Variants in ANKS1B observed in about 807,000 individuals in gnomAD.
ANKS1B encodes ankyrin repeat and sterile alpha motif domain containing 1B.
ANKS1B carries 36 observed loss-of-function variants against 148.3 expected under a neutral mutation model. The ratio of observed to expected loss-of-function variants is 0.24; its 90% confidence interval spans 0.19 to 0.32. The LOEUF is 0.32. ANKS1B is among the 10% of genes least tolerant of loss of function. The pLI, the probability that ANKS1B is intolerant of heterozygous loss-of-function variation, is 1.00. For missense variants in ANKS1B, 1,157 were observed against 1,542.6 expected (o/e 0.75, Z 4.19); for synonymous variants, 542 against 560.8 (o/e 0.97, Z 0.47).
intron 11 of ANKS1B, among the ~76,000 whole-genome samples, chr12:99,404,237 C>T (rs2094479956): frequency 6.9e-6 from 1 of 145,382 alleles, no homozygotes; most frequent in South Asian, 2.1e-4. Context: ...GGCTTAATGC[C>T]TGGGTGACAA....
chr12:99,514,768 C>G (rs896304561), intron 9 of ANKS1B, among the ~76,000 whole-genome samples: 1 of 151,990 alleles, frequency 6.6e-6, no homozygotes, highest in Non-Finnish European at 1.5e-5. Flanking sequence ...TCTAGCTCTG[C>G]CAATTTTCAA....
At chr12:98,745,946 C>G (rs1052874711) in intron 26 of ANKS1B, 97 bp from the exon 27 acceptor site, 4 of 1,350,176 alleles carry the variant, frequency 3.0e-6, no homozygotes, top group Non-Finnish European at 4.0e-6. Flanking sequence ...GGCCCCTCGC[C>G]CCAGGCGCGG....
At position 99,865,217 on chromosome 12, in the gene ANKS1B, A is replaced by G. The variant is rs17029838; in HGVS notation, c.135-39828T>C. 9.0e-3 allele frequency among the ~76,000 whole-genome samples: 1,365 copies of G among 152,332 alleles called. 92 individuals are homozygous for G. In the East Asian group the frequency reaches 0.18, roughly 21 times the overall value. ...TGAAATATGTTTTCCACTCTATGTT[A>G]CTGCTTACTTCAACGGGAAAAGAAT... is the stretch of plus-strand genomic sequence containing the variant. On this transcript the variant is annotated intron_variant, in intron 1 of 26. Coordinates refer to ENST00000683438, the MANE Select transcript of ANKS1B (RefSeq NM_001352186.2).
At chr12:98,821,671 C>T (rs569017715) in intron 19 of ANKS1B, among the ~76,000 whole-genome samples, 52 of 152,228 alleles carry the variant, frequency 3.4e-4, no homozygotes, top group African/African-American at 1.1e-3. Flanking sequence ...TGCAGTGGTG[C>T]GATCTTGCTC....
At chr12:99,939,600 T>A (rs1177780875) in intron 1 of ANKS1B, among the ~76,000 whole-genome samples, 1 of 152,080 alleles carries the variant, frequency 6.6e-6, no homozygotes, top group East Asian at 1.9e-4. Flanking sequence ...ATAAATATTT[T>A]CACATAAGGA....
chr12:98,754,429 C>T (rs894253854), intron 25 of ANKS1B, among the ~76,000 whole-genome samples: 4 of 152,178 alleles, frequency 2.6e-5, no homozygotes, highest in Non-Finnish European at 5.9e-5. Flanking sequence ...CTTCCGACTT[C>T]TGTAGTCTCA....
At chr12:99,110,742 C>T (rs1218669288) in intron 15 of ANKS1B, among the ~76,000 whole-genome samples, 4 of 151,988 alleles carry the variant, frequency 2.6e-5, no homozygotes, top group Admixed American at 2.6e-4. Flanking sequence ...AATAAGGATG[C>T]TGGGTGTATC....
chr12:99,397,032 T>G (rs187129883), intron 12 of ANKS1B, among the ~76,000 whole-genome samples: 2 of 152,286 alleles, frequency 1.3e-5, no homozygotes, highest in East Asian at 3.9e-4. Context: ...CACTATTTTT[T>G]GTTTTTACAA....
intron 8 of ANKS1B, among the ~76,000 whole-genome samples, chr12:99,708,715 A>T (rs2153532518): frequency 6.6e-6 from 1 of 152,202 alleles, no homozygotes; most frequent in African/African-American, 2.4e-5. Context: ...GACAGTTGTG[A>T]TTACATTTAG....
In ANKS1B at chr12:99,264,262, C is replaced by T. The variant is rs556122115; in HGVS notation, c.1757-17398G>A. On this transcript the variant is annotated intron_variant, in intron 12 of 26. Transcript: ENST00000683438. Reference sequence around the variant, plus strand: ...TTATTGATGCTTTACTTCACTGCTACACTTTTCGTTCTAAAATTCCTATCA... The same window carrying T: ...TTATTGATGCTTTACTTCACTGCTATACTTTTCGTTCTAAAATTCCTATCA... Among the ~76,000 whole-genome samples the T allele has an allele frequency of 6.6e-5, 10 of 152,164 alleles. No individual in the cohort carries two copies. The East Asian group carries it at 1.7e-3, about 26-fold the overall frequency.
intron 12 of ANKS1B, among the ~76,000 whole-genome samples, chr12:99,315,014 G>A (rs938344666): frequency 6.6e-6 from 1 of 151,802 alleles, no homozygotes; most frequent in Admixed American, 6.6e-5. Context: ...GGAGGCTGAG[G>A]CGGGTGGATC....
At chr12:99,405,519 T>A (rs766554888) in intron 11 of ANKS1B, among the ~76,000 whole-genome samples, 2 of 144,304 alleles carry the variant, frequency 1.4e-5, no homozygotes, top group Non-Finnish European at 3.0e-5. Flanking sequence ...TTAAGGTAAA[T>A]TCAAATTAAA....
intron 9 of ANKS1B, among the ~76,000 whole-genome samples, chr12:99,643,080 G>T (rs1013225706): frequency 6.6e-6 from 1 of 152,084 alleles, no homozygotes; most frequent in Non-Finnish European, 1.5e-5. Context: ...ATATTCATAG[G>T]CTCTACATAC....
intron 10 of ANKS1B, among the ~76,000 whole-genome samples, chr12:99,486,580 G>T (rs2096492511): frequency 6.6e-6 from 1 of 152,064 alleles, no homozygotes; most frequent in Admixed American, 6.6e-5. Flanking sequence ...ACCAGCTGTG[G>T]CTAAAGCAAG....
At chr12:98,853,112 C>T (rs2099540482) in intron 17 of ANKS1B, among the ~76,000 whole-genome samples, 1 of 152,208 alleles carries the variant, frequency 6.6e-6, no homozygotes, top group Non-Finnish European at 1.5e-5. Flanking sequence ...GCAACAGCCT[C>T]TTTCCAACTA....
chr12:99,304,849 T>G (rs2082136286), intron 12 of ANKS1B, among the ~76,000 whole-genome samples: 1 of 152,174 alleles, frequency 6.6e-6, no homozygotes, highest in African/African-American at 2.4e-5. Flanking sequence ...GCAATGAATG[T>G]GTACTTTGAG....
intron 9 of ANKS1B, among the ~76,000 whole-genome samples, chr12:99,634,047 T>G (rs1015953305): frequency 2.6e-5 from 4 of 152,138 alleles, no homozygotes; most frequent in Non-Finnish European, 5.9e-5. Context: ...GATTTTTATG[T>G]GAGAAGGACA....
chr12:99,029,230 G>A (rs1455181703), intron 17 of ANKS1B, among the ~76,000 whole-genome samples: 2 of 152,152 alleles, frequency 1.3e-5, no homozygotes, highest in South Asian at 2.1e-4. Context: ...CTTCTCTTTC[G>A]AGTTGGGATT....
intron 11 of ANKS1B, among the ~76,000 whole-genome samples, chr12:99,440,648 T>C (rs2095535099): frequency 1.3e-5 from 2 of 151,814 alleles, no homozygotes; most frequent in African/African-American, 2.4e-5. Context: ...AGTTAATGCA[T>C]ATGCTGAATA....
Sources: gnomAD v4.1 joint callset for allele counts (sites outside exome capture counted in the v4.1 genomes callset) on GRCh38, gnomAD v4.1.1 for gene constraint, MANE v1.5 for transcripts, NCBI Gene and HGNC (gene_info 2026-07-23, HGNC 2026-07-21) for gene names.